The following APOBEC1 variants were observed in gnomAD, a reference collection of about 807,000 sequenced individuals.
APOBEC1 encodes the protein C->U-editing enzyme APOBEC-1.
APOBEC1 carries 22 observed loss-of-function variants against 26.3 expected under a neutral mutation model. The observed-to-expected ratio is 0.84, with a 90% CI of 0.60 to 1.19. The LOEUF (loss-of-function observed/expected upper bound fraction) is 1.19, where lower values mean the gene tolerates loss of function less well. Ranked by LOEUF, APOBEC1 falls within the 50% of genes most tolerant of loss-of-function variation. APOBEC1 has a pLI of 0.00. For missense variants in APOBEC1, 253 were observed against 289.0 expected, an observed-to-expected ratio of 0.88 and a Z score of 0.90; for synonymous variants, 77 against 95.3, an observed-to-expected ratio of 0.81 and a Z score of 1.12.
At chr12:7,650,833 C>T (rs757613576) in intron 4 of APOBEC1, among the ~76,000 whole-genome samples, 190 bp downstream of exon 4, 5 of 152,272 alleles carry the variant, frequency 3.3e-5, no homozygotes, top group East Asian at 1.9e-4. Context: ...AAGCTTCCTG[C>T]GTAGCTGGGA....
At chr12:7,651,269 C>A in intron 3 of APOBEC1, 128 bp from the exon 4 acceptor site, 1 of 665,782 alleles carries the variant, frequency 1.5e-6, no homozygotes, top group South Asian at 1.8e-5. Context: ...CATTAGACCC[C>A]CTAAAAAGAA....
intron 1 of APOBEC1, among the ~76,000 whole-genome samples, chr12:7,662,851 C>T (rs544974058): frequency 9.2e-5 from 14 of 152,124 alleles, no homozygotes; most frequent in Admixed American, 2.6e-4. Context: ...TTGGCTGGGT[C>T]GGAGTGATCA....
At chr12:7,669,159 G>A (rs1296337780), upstream of APOBEC1, among the ~76,000 whole-genome samples, 1 of 150,120 alleles carries the variant, frequency 6.7e-6, no homozygotes, top group Non-Finnish European at 1.5e-5. Flanking sequence ...ATCATGCATT[G>A]TGCACACTTT....
chr12:7,659,329 A>ATATG (rs1863769525), intron 1 of APOBEC1, among the ~76,000 whole-genome samples: 1 of 92,188 alleles, frequency 1.1e-5, no homozygotes, highest in Non-Finnish European at 2.2e-5. Flanking sequence ...AAAAATATAT[A>ATATG]TATATATATA....
chr12:7,666,285 AT>A (rs1863891123), upstream of APOBEC1, among the ~76,000 whole-genome samples: 1 of 150,692 alleles, frequency 6.6e-6, no homozygotes, highest in Non-Finnish European at 1.5e-5. Context: ...TGCATCAAGG[AT>A]GCATCATTCT....
intron 3 of APOBEC1, among the ~76,000 whole-genome samples, chr12:7,652,008 G>A (rs1863649836): frequency 6.6e-6 from 1 of 151,982 alleles, no homozygotes; most frequent in Non-Finnish European, 1.5e-5. Flanking sequence ...TTTTTTAGTA[G>A]AGACGGGGTT....
chr12:7,660,065 G>A (rs1339405646), intron 1 of APOBEC1, among the ~76,000 whole-genome samples: 1 of 152,128 alleles, frequency 6.6e-6, no homozygotes, highest in Non-Finnish European at 1.5e-5. Flanking sequence ...CAACACTTGG[G>A]AGGCTGAGGC....
intron 1 of APOBEC1, among the ~76,000 whole-genome samples, chr12:7,657,049 T>TGTGTGTGC (rs993592957): frequency 6.8e-5 from 1 of 14,698 alleles, no homozygotes. Flanking sequence ...TATACGTGTG[T>TGTGTGTGC]GTGTGTGTGT....
At position 7,649,686 on chromosome 12, in the gene APOBEC1, G is replaced by C. The variant is rs1419714856; in HGVS notation, c.572C>G (p.Pro191Arg). The change falls in exon 5 of 5, where the codon CCC (proline) becomes CGC (arginine). Residue 191 changes from proline (P) to arginine (R), a missense_variant. Coordinates refer to ENST00000229304, the MANE Select transcript of APOBEC1 (RefSeq NM_001644.5). ...CCATCTTCTTGAAATCTTTAAACAG[G>C]GTGGAAGACTCTGGAATAAAAAAGG... Reference protein sequence around the residue: ...ELHCIILSLPPCLKISRRWQN... With the variant: ...ELHCIILSLPRCLKISRRWQN... 1 of 1,610,446 alleles carries C rather than the reference G, an allele frequency of 6.2e-7. No homozygotes were observed. The highest frequency in any genetic ancestry group is 1.3e-5 in the African/African-American group (1 of 74,758).
intron 3 of APOBEC1, among the ~76,000 whole-genome samples, chr12:7,651,852 G>A (rs1157870303): frequency 2.7e-5 from 4 of 150,190 alleles, no homozygotes; most frequent in South Asian, 4.2e-4. Context: ...ACGGAGTCTC[G>A]CTCTGTCGCC....
chr12:7,661,373 C>A (rs762566083), intron 1 of APOBEC1, among the ~76,000 whole-genome samples: 2 of 151,358 alleles, frequency 1.3e-5, no homozygotes, highest in Non-Finnish European at 2.9e-5. Flanking sequence ...CAATATATAC[C>A]CTTGTAACAA....
At chr12:7,667,192 G>A (rs61033915), upstream of APOBEC1, among the ~76,000 whole-genome samples, 18,421 of 152,028 alleles carry the variant, frequency 0.12, 1,207 homozygotes, top group Middle Eastern at 0.18. Flanking sequence ...GATTACAGGC[G>A]TGAGCCACCT....
At chr12:7,665,925 T>C, upstream of APOBEC1, 18 of 1,611,090 alleles carry the variant, frequency 1.1e-5, no homozygotes, top group Non-Finnish European at 1.5e-5. Context: ...TGCTGATTGT[T>C]CCTGGACTTT....
At chr12:7,655,939 C>T (rs928787541) in intron 1 of APOBEC1, among the ~76,000 whole-genome samples, 3 of 152,146 alleles carry the variant, frequency 2.0e-5, no homozygotes, top group African/African-American at 7.2e-5. Flanking sequence ...ATGATTATGT[C>T]ACTGTACATA....
intron 4 of APOBEC1, 139 bp from the exon 5 acceptor site, chr12:7,649,835 G>C: frequency 1.3e-6 from 1 of 755,458 alleles, no homozygotes; most frequent in Non-Finnish European, 2.1e-6. Flanking sequence ...ACAGGGTCTG[G>C]TTCTGGACTC....
intron 1 of APOBEC1, among the ~76,000 whole-genome samples, chr12:7,662,296 A>G (rs1863831176): frequency 6.6e-6 from 1 of 152,044 alleles, no homozygotes; most frequent in Non-Finnish European, 1.5e-5. Context: ...ATTTAAAAAA[A>G]GACGGCCGGG....
intron 1 of APOBEC1, among the ~76,000 whole-genome samples, chr12:7,660,386 A>AGGAAGGAC (rs1309820289): frequency 1.3e-3 from 132 of 105,046 alleles, no homozygotes; most frequent in Non-Finnish European, 2.1e-3. Context: ...GAAAGAAAGA[A>AGGAAGGAC]AGAAAGAAAG....
chr12:7,653,599 C>A (rs1324928356), intron 2 of APOBEC1, among the ~76,000 whole-genome samples: 1 of 151,246 alleles, frequency 6.6e-6, no homozygotes, highest in Non-Finnish European at 1.5e-5. Context: ...GTAGCTGAGA[C>A]CACAGGTGTG....
At chr12:7,652,092 G>A (rs1325530369) in intron 3 of APOBEC1, among the ~76,000 whole-genome samples, 1 of 152,146 alleles carries the variant, frequency 6.6e-6, no homozygotes, top group Non-Finnish European at 1.5e-5. Flanking sequence ...AAAGTGCTGG[G>A]ATTACAGGCG....
Sources: allele counts gnomAD v4.1 joint callset (sites outside exome capture counted in the v4.1 genomes callset), GRCh38; gene constraint gnomAD v4.1.1; transcripts MANE v1.5; gene names NCBI Gene and HGNC (gene_info 2026-07-23, HGNC 2026-07-21).